The following ATP13A3 variants were observed in gnomAD, a reference collection of about 807,000 sequenced individuals.
ATP13A3 encodes the protein ATPase 13A3.
In ATP13A3, 59 loss-of-function variants were observed where a neutral mutation model predicts 158.1. The observed-to-expected ratio is 0.37, with a 90% CI of 0.30 to 0.46. ATP13A3 has a LOEUF of 0.46. Among genes scored for constraint, ATP13A3 ranks in the 20% least tolerant of loss-of-function variants. ATP13A3 has a pLI of 1.00. For synonymous variants in ATP13A3, 491 were observed against 504.3 expected (o/e 0.97, Z 0.35); for missense variants, 1,166 against 1,525.2 (o/e 0.76, Z 3.92).
Position 194,450,412 on chromosome 3 carries a change from G to T in ATP13A3, c.839-136C>A. 5 of 835,062 alleles carry T rather than the reference G, an allele frequency of 6.0e-6. No individual in the cohort carries two copies. In the South Asian group the frequency reaches 7.4e-5, roughly 12 times the overall value. 51.7% of individuals were successfully genotyped at this position (835,062 alleles called of 1,614,324 possible). On this transcript the variant is annotated intron_variant, in intron 10 of 33. Transcript: ENST00000645319. ...GTAAAATAGAAAAATCCAACAAATG[G>T]CAAGTTTTAACAAATAAGATTATTA...
chr3:194,491,235 G>C (rs892050941), upstream of ATP13A3, among the ~76,000 whole-genome samples: 5 of 152,082 alleles, frequency 3.3e-5, no homozygotes, highest in African/African-American at 9.7e-5. Context: ...GGGTTTCACT[G>C]GTGCCAGATA....
At chr3:194,477,359 G>A (rs1172526353) in intron 2 of ATP13A3, among the ~76,000 whole-genome samples, 1 of 152,236 alleles carries the variant, frequency 6.6e-6, no homozygotes, top group Non-Finnish European at 1.5e-5. Context: ...GAATAAAGGA[G>A]ACAGGGCAAG....
chr3:194,404,273 A>C lies in ATP13A3; in HGVS notation c.*1646T>G, dbSNP rs1714793621. 2.9e-6 allele frequency: 1 copy of C among 341,450 alleles called. No individual in the cohort carries two copies. The highest frequency in any genetic ancestry group is 4.7e-5 in the Admixed American group (1 of 21,180). The allele number at this position is 341,450 out of a possible 1,614,324, so 21.2% of individuals were successfully genotyped here. ...ATACATTTGATGGAAAACTTCGATT[A>C]TATTTTTGCAGGAATCATCAGTGGC... On this transcript the variant is annotated 3_prime_UTR_variant, in exon 34 of 34. Transcript: ENST00000645319.
intron 15 of ATP13A3, among the ~76,000 whole-genome samples, chr3:194,444,335 GTTAAAA>G (rs1718248686): frequency 6.6e-6 from 1 of 152,160 alleles, no homozygotes; most frequent in Admixed American, 6.5e-5. Flanking sequence ...AGACAGAGCA[GTTAAAA>G]TTAATAAACT....
chr3:194,462,210 T>A lies in ATP13A3; in HGVS notation c.-20A>T. 6.2e-7 allele frequency: 1 copy of A among 1,609,966 alleles called. No individual in the cohort carries two copies. The highest frequency in any genetic ancestry group is 8.5e-7 in the Non-Finnish European group (1 of 1,176,276). ...GTCCATACCTACAGTGGATTAAAGGTCCAGTGCTTCAAACAATGGAAGATC... is the reference window on the plus strand; with the variant it reads ...GTCCATACCTACAGTGGATTAAAGGACCAGTGCTTCAAACAATGGAAGATC... On this transcript the variant is annotated 5_prime_UTR_variant, in exon 3 of 34. Coordinates refer to ENST00000645319, the MANE Select transcript of ATP13A3 (RefSeq NM_001367549.1).
chr3:194,434,999 A>T (rs555092382), intron 20 of ATP13A3, among the ~76,000 whole-genome samples: 1 of 152,286 alleles, frequency 6.6e-6, no homozygotes, highest in East Asian at 1.9e-4. Context: ...TTTTTTTCTC[A>T]ATGGGGAAGG....
At position 194,412,214 on chromosome 3, in the gene ATP13A3, G is replaced by A. The variant is rs945995966; in HGVS notation, c.3558C>T (p.Thr1186=). ...RDKQGEYRFS[T]TQPPQESVDR... ...GAGTTCCAACCTGCGGTGGCTGTGT[G>A]GTGCTGAACCGATACTCTCCTTGTT... is the stretch of plus-strand genomic sequence containing the variant. Residue 1186 remains threonine (T), a synonymous_variant, in exon 33 of 34, where the codon ACC becomes ACT. Coordinates refer to ENST00000645319, the MANE Select transcript of ATP13A3 (RefSeq NM_001367549.1). 197 of 1,536,106 alleles carry A rather than the reference G, an allele frequency of 1.3e-4. No homozygotes were observed. Among genetic ancestry groups the A allele is most frequent in the Non-Finnish European group, 1.6e-4 (188 of 1,146,922 alleles).
chr3:194,489,616 A>C (rs547849781), upstream of ATP13A3, among the ~76,000 whole-genome samples: 1 of 152,194 alleles, frequency 6.6e-6, no homozygotes, highest in African/African-American at 2.4e-5. The surrounding 1 kb of genome is among the most constrained non-coding windows in gnomAD (Gnocchi z 4.1). Flanking sequence ...TGAACCTGTC[A>C]ACGCGTTCGG....
chr3:194,462,985 T>C (rs539980446), intron 2 of ATP13A3, among the ~76,000 whole-genome samples: 2 of 152,326 alleles, frequency 1.3e-5, no homozygotes, highest in African/African-American at 4.8e-5. Context: ...GAGCTAAAAG[T>C]ACTTCACACA....
At chr3:194,455,870 T>TTA (rs1260810519) in intron 8 of ATP13A3, 23 bp downstream of exon 8, 2 of 1,384,308 alleles carry the variant, frequency 1.4e-6, no homozygotes, top group Non-Finnish European at 2.0e-6. Context: ...GACTGTTAAG[T>TTA]TATATACAAT....
chr3:194,481,594 C>A (rs768159797), intron 2 of ATP13A3, among the ~76,000 whole-genome samples: 30 of 152,106 alleles, frequency 2.0e-4, no homozygotes, highest in Non-Finnish European at 2.9e-4. Context: ...CAGTCTCACA[C>A]CTCTTTATTT....
chr3:194,468,295 A>C (rs1720114275), intron 2 of ATP13A3: 2 of 151,142 alleles, frequency 1.3e-5, no homozygotes, highest in South Asian at 4.2e-4. Flanking sequence ...CTGAGTCTTG[A>C]TGTTATCTAA....
chr3:194,485,944 T>A (rs575337802), intron 1 of ATP13A3, 109 bp from the exon 2 acceptor site: 2 of 151,836 alleles, frequency 1.3e-5, no homozygotes, highest in South Asian at 2.1e-4. Context: ...CCTTCATCCC[T>A]ACCCCTCACC....
Position 194,429,791 on chromosome 3 carries a change from A to C in ATP13A3, c.2778-17T>G. 2.5e-6 allele frequency: 4 copies of C among 1,603,112 alleles called. No homozygotes were observed. The highest frequency in any genetic ancestry group is 2.6e-6 in the Non-Finnish European group (3 of 1,171,530). The stretch of plus-strand genomic sequence containing the variant: ...CGGCCTTCCCTGTGAAAAGAAATCA[A>C]ATGTCGGCATATGAATAGAAGCATT... On this transcript the variant is annotated splice_polypyrimidine_tract_variant and intron_variant, in intron 26 of 33. Coordinates refer to ENST00000645319, the MANE Select transcript of ATP13A3 (RefSeq NM_001367549.1).
intron 2 of ATP13A3, among the ~76,000 whole-genome samples, chr3:194,473,753 G>T (rs1477830450): frequency 2.6e-5 from 4 of 152,256 alleles, no homozygotes; most frequent in Admixed American, 2.6e-4. Context: ...ACTGTTTGCA[G>T]CAGGGGGAAA....
rs1714884885 is a variant in ATP13A3, at chr3:194,405,730, T to TA, written c.*188dup. On this transcript the variant is annotated 3_prime_UTR_variant, in exon 34 of 34. Transcript: ENST00000645319. ...ATATAGGACTTTATGGATTGATTGT[T>TA]AATTTAACTGTTAGGACGATATATT... The TA allele has an allele frequency of 5.0e-6, 3 of 601,672 alleles. No homozygotes were observed. Among genetic ancestry groups the TA allele is most frequent in the Non-Finnish European group, 8.6e-6 (3 of 349,538 alleles). 37.3% of individuals were successfully genotyped at this position (601,672 alleles called of 1,614,324 possible). A position where few individuals can be genotyped will look rare whatever the true frequency, so the allele number is the denominator to read the frequency against.
intron 8 of ATP13A3, among the ~76,000 whole-genome samples, chr3:194,454,746 T>A (rs535294568): frequency 6.6e-6 from 1 of 151,812 alleles, no homozygotes; most frequent in Non-Finnish European, 1.5e-5. Flanking sequence ...GGAGAATGGC[T>A]TGAACCCGGG....
rs772638685 is a variant in ATP13A3 at position 194,494,323 on chromosome 3, C to T, written n.516-43G>A. On this transcript the variant is annotated intron_variant and non_coding_transcript_variant, in intron 1 of 32. Coordinates refer to the ATP13A3 transcript ENST00000687055. This position sits in a 1 kb window ranked among gnomAD's most constrained non-coding sequence, Gnocchi z 4.2. Reference sequence around the variant, plus strand: ...AAGTTAACATTGATTTTCACAACCACGATGTCAGACTAGCAATGGAATTGT... The same window carrying T: ...AAGTTAACATTGATTTTCACAACCATGATGTCAGACTAGCAATGGAATTGT... 7 of 398,102 alleles carry T rather than the reference C, an allele frequency of 1.8e-5. No individual in the cohort carries two copies. Among genetic ancestry groups the T allele is most frequent in the South Asian group, 1.3e-4 (1 of 7,822 alleles). 24.7% of individuals were successfully genotyped at this position (398,102 alleles called of 1,614,324 possible).
At chr3:194,476,756 G>A (rs1394173636) in intron 2 of ATP13A3, among the ~76,000 whole-genome samples, 1 of 143,774 alleles carries the variant, frequency 7.0e-6, no homozygotes, top group Non-Finnish European at 1.5e-5. Context: ...TACCTTCAAA[G>A]TAAGTTGTTG....
Sources: gnomAD v4.1 joint callset for allele counts (sites outside exome capture counted in the v4.1 genomes callset) on GRCh38, gnomAD v4.1.1 for gene constraint, Gnocchi (gnomAD v3.1) non-coding constraint, MANE v1.5 for transcripts, NCBI Gene and HGNC (gene_info 2026-07-23, HGNC 2026-07-21) for gene names.